CYB5D2: variants seen among roughly 807,000 people sequenced by gnomAD.
CYB5D2 encodes neuferricin.
In CYB5D2, 23 loss-of-function variants were observed where a neutral mutation model predicts 22.8. That is an observed-to-expected ratio of 1.01 (90% CI 0.73 to 1.43). The LOEUF is 1.43. CYB5D2 is among the 40% of genes most tolerant of loss of function. The pLI is 0.00. For synonymous variants in CYB5D2, 170 were observed against 152.2 expected (o/e 1.12, Z -0.86); for missense variants, 373 against 357.2 (o/e 1.04, Z -0.36).
intron 1 of CYB5D2, among the ~76,000 whole-genome samples, chr17:4,147,602 C>T (rs2059006644): frequency 6.6e-6 from 1 of 152,206 alleles, no homozygotes; most frequent in South Asian, 2.1e-4. Flanking sequence ...GCCTGTAATC[C>T]CAGCACTTTG....
At chr17:4,144,913 A>G (rs1204169098) in intron 1 of CYB5D2, among the ~76,000 whole-genome samples, 4 of 151,946 alleles carry the variant, frequency 2.6e-5, no homozygotes, top group African/African-American at 4.8e-5. Context: ...CAGCCTCCCG[A>G]ATAGCTGGGA....
chr17:4,149,930 C>G lies in CYB5D2; in HGVS notation c.290C>G (p.Ser97Cys), dbSNP rs189292607. 33 of 1,614,190 alleles carry G rather than the reference C, an allele frequency of 2.0e-5. 1 individual carries two copies. In the Admixed American group the frequency reaches 3.7e-4, roughly 18 times the overall value. Residue 97 changes from serine (S) to cysteine (C), a missense_variant, in exon 2 of 4, where the codon TCT (serine) becomes TGT (cysteine). Coordinates refer to ENST00000301391, the MANE Select transcript of CYB5D2 (RefSeq NM_144611.4). The part of the protein sequence containing the change: ...ASRAFVTGDC[S>C]EAGLVDDVSD... ...AGAGCTTTCGTGACCGGGGACTGTT[C>G]TGAAGCAGGCCTCGTGGATGACGTA...
At position 4,156,887 on chromosome 17, in the gene CYB5D2, G is replaced by C; in HGVS notation, c.600G>C (p.Trp200Cys). ...TTAGTGGAGGTGTGAGCAGAGACTG[G>C]ATTGGCGTCCCCAGGAAGCTGTATA... ...SQKSGGVSRD[W>C]IGVPRKLYKP... The change falls in exon 4 of 4, where the codon TGG (tryptophan) becomes TGC (cysteine). Residue 200 changes from tryptophan (W) to cysteine (C), a missense_variant. Transcript: ENST00000301391. The C allele has an allele frequency of 6.2e-7, 1 of 1,612,766 alleles. No homozygotes were observed.
In CYB5D2 at chr17:4,154,714, C is replaced by T; in HGVS notation, c.432C>T (p.Pro144=). Residue 144 remains proline (P), a synonymous_variant, in exon 3 of 4, where the codon CCC becomes CCT. Coordinates refer to ENST00000301391, the MANE Select transcript of CYB5D2 (RefSeq NM_144611.4). ...GGTTCTACGGAGAGGATGGGCTGCC[C>T]ACCCCGGCACTGACCCAGGTAGAAG... The part of the protein sequence containing the change: ...TGRFYGEDGL[P]TPALTQVEAA... 2 of 1,614,142 alleles carry T rather than the reference C, an allele frequency of 1.2e-6. No individual in the cohort carries two copies. Among genetic ancestry groups the T allele is most frequent in the Non-Finnish European group, 8.5e-7 (1 of 1,180,020 alleles).
rs550016203 is a variant in CYB5D2 at position 4,155,464 on chromosome 17, A to C, written c.578+604A>C. Among the ~76,000 whole-genome samples the C allele has an allele frequency of 7.9e-5, 12 of 152,296 alleles. No individual in the cohort carries two copies. In the East Asian group the frequency reaches 2.1e-3, roughly 27 times the overall value. ...AAAAAAACAGTAACAAACAAAAAAA[A>C]CCACTGCAAATTCGGAGTTCTCAGC... On this transcript the variant is annotated intron_variant, in intron 3 of 3. Coordinates refer to ENST00000301391, the MANE Select transcript of CYB5D2 (RefSeq NM_144611.4).
chr17:4,147,770 T>C (rs1300032186), intron 1 of CYB5D2, among the ~76,000 whole-genome samples: 1 of 152,182 alleles, frequency 6.6e-6, no homozygotes, highest in East Asian at 1.9e-4. Flanking sequence ...GGAGAATTGC[T>C]TGAACCTGGG....
rs1020775085 is a variant in CYB5D2 at position 4,154,985 on chromosome 17, GATA to G, written c.578+131_578+133del. On this transcript the variant is annotated intron_variant, in intron 3 of 3. Transcript: ENST00000301391. ...CCCTGGGGAGCTTTTTCAAAATACT[GATA>G]ATAATTCTCAACTTTGGCTGCATAT... The G allele has an allele frequency of 2.9e-5, 30 of 1,032,374 alleles. No individual in the cohort carries two copies. In the African/African-American group the frequency reaches 4.1e-4, roughly 14 times the overall value. 64.0% of individuals were successfully genotyped at this position (1,032,374 alleles called of 1,614,324 possible). A position where few individuals can be genotyped will look rare whatever the true frequency, so the allele number is the denominator to read the frequency against.
At chr17:4,153,955 C>G (rs965585756) in intron 2 of CYB5D2, among the ~76,000 whole-genome samples, 3 of 152,212 alleles carry the variant, frequency 2.0e-5, no homozygotes, top group Non-Finnish European at 4.4e-5. Context: ...CCTCTTCGGT[C>G]GCACCTCCCT....
intron 2 of CYB5D2, among the ~76,000 whole-genome samples, chr17:4,154,430 A>G (rs1489422825): frequency 6.6e-6 from 1 of 152,202 alleles, no homozygotes; most frequent in Non-Finnish European, 1.5e-5. Context: ...TCTGGAAGTG[A>G]GAGAGGTTTG....
At chr17:4,144,027 C>T (rs751431646) in intron 1 of CYB5D2, 22 bp downstream of exon 1, 1 of 1,563,688 alleles carries the variant, frequency 6.4e-7, no homozygotes, top group East Asian at 2.3e-5. Flanking sequence ...GCTGCTCACG[C>T]CTTTCTCTCC....
Position 4,157,199 on chromosome 17 carries a change from C to T in CYB5D2, c.*117C>T, listed in dbSNP as rs1028790416. On this transcript the variant is annotated 3_prime_UTR_variant, in exon 4 of 4. Transcript: ENST00000301391. This position sits in a 1 kb window ranked among gnomAD's most constrained non-coding sequence, Gnocchi z 4.4. ...CGCGAATCAGGAGGGTCTGGAAGGA[C>T]TCTGGCTATATTCTGCAAATGTGGC... The T allele has an allele frequency of 4.3e-6, 5 of 1,174,882 alleles. No homozygotes were observed. The highest frequency in any genetic ancestry group is 1.5e-5 in the African/African-American group (1 of 65,440). 72.8% of individuals were successfully genotyped at this position (1,174,882 alleles called of 1,614,324 possible).
In CYB5D2 at chr17:4,157,148, C is replaced by A; in HGVS notation, c.*66C>A. 1 of 1,545,396 alleles carries A rather than the reference C, an allele frequency of 6.5e-7. No individual in the cohort carries two copies. Among genetic ancestry groups the A allele is most frequent in the South Asian group, 1.2e-5 (1 of 86,192 alleles). On this transcript the variant is annotated 3_prime_UTR_variant, in exon 4 of 4. Coordinates refer to ENST00000301391, the MANE Select transcript of CYB5D2 (RefSeq NM_144611.4). This position sits in a 1 kb window ranked among gnomAD's most constrained non-coding sequence, Gnocchi z 4.4. ...CAAGCACCTGAGTAGGCCCTTGACA[C>A]TTGTGTGCCCTGGGATGCCTCCTGG...
chr17:4,148,331 A>G (rs1367030242), intron 1 of CYB5D2, among the ~76,000 whole-genome samples: 1 of 152,146 alleles, frequency 6.6e-6, no homozygotes, highest in Non-Finnish European at 1.5e-5. Flanking sequence ...AGCCTGGCCA[A>G]CGTGGCAAAA....
intron 1 of CYB5D2, among the ~76,000 whole-genome samples, chr17:4,146,965 A>T (rs912619862): frequency 2.6e-5 from 4 of 152,148 alleles, no homozygotes; most frequent in Non-Finnish European, 4.4e-5. Context: ...GCAGTGCATT[A>T]TTCCTTTATG....
At chr17:4,156,274 C>T (rs898499195) in intron 3 of CYB5D2, among the ~76,000 whole-genome samples, 2 of 152,260 alleles carry the variant, frequency 1.3e-5, no homozygotes, top group African/African-American at 4.8e-5. Flanking sequence ...TGTTGGGCCA[C>T]AGCTGAATCC....
chr17:4,156,574 C>T lies in CYB5D2; in HGVS notation c.579-292C>T, dbSNP rs996869199. On this transcript the variant is annotated intron_variant, in intron 3 of 3. Transcript: ENST00000301391. ...ACAGCTGTTGCCACCAGTGCAGGAACGTGGTGCTGCCTCCTAAGAAGGGGC... is the reference window on the plus strand; with the variant it reads ...ACAGCTGTTGCCACCAGTGCAGGAATGTGGTGCTGCCTCCTAAGAAGGGGC... 2.0e-5 allele frequency among the ~76,000 whole-genome samples: 3 copies of T among 152,228 alleles called. No individual in the cohort carries two copies. The East Asian group carries it at 5.8e-4, about 29-fold the overall frequency.
intron 1 of CYB5D2, among the ~76,000 whole-genome samples, chr17:4,148,362 C>G (rs1487376441): frequency 6.6e-6 from 1 of 151,944 alleles, no homozygotes; most frequent in Admixed American, 6.5e-5. Flanking sequence ...GCTAAAAATA[C>G]AAAAATTAGC....
chr17:4,154,586 C>T (rs969514691), intron 2 of CYB5D2, 88 bp from the exon 3 acceptor site: 25 of 1,477,478 alleles, frequency 1.7e-5, no homozygotes, highest in Non-Finnish European at 1.8e-6. Flanking sequence ...GGACTGAAGT[C>T]AGAAACCCTG....
Position 4,154,761 on chromosome 17 carries a change from A to C in CYB5D2, c.479A>C (p.Glu160Ala). 1 of 1,614,196 alleles carries C rather than the reference A, an allele frequency of 6.2e-7. No homozygotes were observed. Among genetic ancestry groups the C allele is most frequent in the Non-Finnish European group, 8.5e-7 (1 of 1,180,036 alleles). ...GAAGCTGCGATCACCAGAGGCTTGG[A>C]GGCCAACAAACTACAGCTGCAAGAG... ...QVEAAITRGL[E>A]ANKLQLQEKQ... The change falls in exon 3 of 4, where the codon GAG becomes GCG. Residue 160 changes from glutamate (E) to alanine (A), a missense_variant. By Grantham distance (107) the Glu-to-Ala change is moderately radical. Transcript: ENST00000301391.
Sources: allele counts gnomAD v4.1 joint callset (sites outside exome capture counted in the v4.1 genomes callset), GRCh38; gene constraint gnomAD v4.1.1; non-coding constraint Gnocchi (gnomAD v3.1); transcripts MANE v1.5; gene names NCBI Gene and HGNC (gene_info 2026-07-23, HGNC 2026-07-21).